Variants in MTM1 observed in about 807,000 individuals in gnomAD.
MTM1 encodes the protein myotubularin 1, also known as myotubularin.
A neutral mutation model predicts 52.1 loss-of-function variants in MTM1; 9 were observed. The observed-to-expected ratio is 0.17, with a 90% confidence interval of 0.10 to 0.30. MTM1 has a LOEUF of 0.30. Ranked by LOEUF, MTM1 falls within the 10% of genes least tolerant of loss-of-function variation. The pLI is 1.00. For missense variants in MTM1, 277 were observed against 470.7 expected (o/e 0.59, Z 3.81); for synonymous variants, 136 against 163.8 (o/e 0.83, Z 1.29).
intron 10 of MTM1, among the ~76,000 whole-genome samples, chrX:150,656,777 C>T (rs185033930): frequency 2.5e-4 from 28 of 111,239 alleles, no homozygotes; most frequent in African/African-American, 8.8e-4. Flanking sequence ...AACAAATTTA[C>T]AAGAAAAAAA....
intron 14 of MTM1, among the ~76,000 whole-genome samples, chrX:150,664,319 G>T (rs1557414843): frequency 8.0e-5 from 9 of 112,775 alleles, no homozygotes; most frequent in Non-Finnish European, 3.7e-5. Context: ...TGCAGTGTGG[G>T]TGGTCGACTA....
In MTM1 at chrX:150,619,155, C is replaced by T; in HGVS notation, c.444+16C>T. On this transcript the variant is annotated intron_variant, in intron 6 of 14. Coordinates refer to ENST00000370396, the MANE Select transcript of MTM1 (RefSeq NM_000252.3). ...TCACAGTCTGGTAAATTCCAGTGCTCTCCTCAGCGTGGGAAGGTTCTCAGT... is the reference window on the plus strand; with the variant it reads ...TCACAGTCTGGTAAATTCCAGTGCTTTCCTCAGCGTGGGAAGGTTCTCAGT... 8.7e-7 allele frequency: 1 copy of T among 1,144,815 alleles called. No individual in the cohort carries two copies. The allele number at this position is 1,144,815 out of a possible 1,213,427, so 94.3% of individuals were successfully genotyped here.
At chrX:150,645,241 G>A (rs1216922810) in intron 8 of MTM1, among the ~76,000 whole-genome samples, 2 of 111,661 alleles carry the variant, frequency 1.8e-5, no homozygotes, top group African/African-American at 3.3e-5. Context: ...TTCTAGAATT[G>A]AGACTGTTGG....
intron 1 of MTM1, among the ~76,000 whole-genome samples, chrX:150,569,228 GGAA>G (rs782051244): frequency 3.6e-4 from 41 of 113,540 alleles, no homozygotes; most frequent in African/African-American, 1.3e-3. Context: ...AACAGTTGAG[GGAA>G]GATCTTAGAG....
chrX:150,613,020 C>T (rs1230754467), intron 4 of MTM1, among the ~76,000 whole-genome samples: 6 of 106,962 alleles, frequency 5.6e-5, no homozygotes, highest in African/African-American at 2.1e-4. Context: ...GTGGTGTGTG[C>T]CTGTGGTCTC....
At chrX:150,594,950 A>C (rs1270136185) in intron 2 of MTM1, among the ~76,000 whole-genome samples, 2 of 111,468 alleles carry the variant, frequency 1.8e-5, no homozygotes, top group Non-Finnish European at 3.8e-5. Flanking sequence ...TTCCTGGCTG[A>C]GAACAGTTTG....
At chrX:150,584,422 A>G (rs1367965046) in intron 1 of MTM1, among the ~76,000 whole-genome samples, 1 of 111,378 alleles carries the variant, frequency 9.0e-6, no homozygotes, top group Non-Finnish European at 1.9e-5. Context: ...TTTTAAAGAT[A>G]TGCAAGGGAA....
chrX:150,583,542 AT>A lies in MTM1; in HGVS notation c.-10-9061del, dbSNP rs1569565334. ...TATATATTATATATAAATTATATATATTATACATAATTTATATATAATATAT... is the reference window on the plus strand; with the variant it reads ...TATATATTATATATAAATTATATATATATACATAATTTATATATAATATAT... On this transcript the variant is annotated intron_variant, in intron 1 of 14. Coordinates refer to ENST00000370396, the MANE Select transcript of MTM1 (RefSeq NM_000252.3). Among the ~76,000 whole-genome samples, 173 of 29,994 alleles carry A rather than the reference AT, an allele frequency of 5.8e-3. 3 individuals are homozygous for A. The highest frequency in any genetic ancestry group is 0.01 in the African/African-American group (65 of 6,210). The allele number at this position is 29,994 out of a possible 115,157, so 26.0% of individuals were successfully genotyped here.
At position 150,660,255 on chromosome X, in the gene MTM1, G is replaced by A. The variant is rs1603206599; in HGVS notation, c.1354-116G>A. 4 of 509,904 alleles carry A rather than the reference G, an allele frequency of 7.8e-6. No individual in the cohort carries two copies. The East Asian group carries it at 1.5e-4, about 19-fold the overall frequency. 42.0% of individuals were successfully genotyped at this position (509,904 alleles called of 1,213,427 possible). On this transcript the variant is annotated intron_variant, in intron 12 of 14. Coordinates refer to ENST00000370396, the MANE Select transcript of MTM1 (RefSeq NM_000252.3). Reference sequence around the variant, plus strand: ...GTGTGTGCAGATTACAGCCTCTGCTGTCCTTCCTAGAGCCCTACAATGTGG... The same window carrying A: ...GTGTGTGCAGATTACAGCCTCTGCTATCCTTCCTAGAGCCCTACAATGTGG...
chrX:150,574,925 A>C (rs1408600897), intron 1 of MTM1, among the ~76,000 whole-genome samples: 1 of 112,088 alleles, frequency 8.9e-6, no homozygotes, highest in East Asian at 2.8e-4. Flanking sequence ...AACTGTTAAG[A>C]TCCCCACTGA....
At chrX:150,629,596 C>T (rs1370590377) in intron 6 of MTM1, among the ~76,000 whole-genome samples, 3 of 112,385 alleles carry the variant, frequency 2.7e-5, no homozygotes, top group African/African-American at 9.7e-5. Context: ...AGTGAATATA[C>T]TAATGTAAAC....
At chrX:150,605,530 A>G (rs1164329957) in intron 4 of MTM1, among the ~76,000 whole-genome samples, 2 of 112,661 alleles carry the variant, frequency 1.8e-5, no homozygotes, top group African/African-American at 3.2e-5. Context: ...AGATTCTTGA[A>G]TCCTTTTCAA....
At chrX:150,652,658 TACACACACACACAC>T (rs377592464) in intron 10 of MTM1, among the ~76,000 whole-genome samples, 8 of 82,462 alleles carry the variant, frequency 9.7e-5, no homozygotes, top group African/African-American at 2.5e-4. Context: ...TATATATATA[TACACACACACACAC>T]ACACACACAC....
intron 5 of MTM1, among the ~76,000 whole-genome samples, chrX:150,618,593 G>T (rs1337894969): frequency 9.0e-6 from 1 of 111,477 alleles, no homozygotes; most frequent in East Asian, 2.8e-4. Context: ...GGTGGAGGTT[G>T]CAGTGAGCCG....
chrX:150,610,615 A>G (rs1299640994), intron 4 of MTM1, among the ~76,000 whole-genome samples: 1 of 111,972 alleles, frequency 8.9e-6, no homozygotes, highest in Non-Finnish European at 1.9e-5. Context: ...CTATTCCTGG[A>G]TCTTGCAGTT....
intron 1 of MTM1, among the ~76,000 whole-genome samples, chrX:150,583,929 A>ATTAT (rs2038729463): frequency 3.9e-5 from 2 of 50,971 alleles, no homozygotes; most frequent in South Asian, 2.4e-3. Flanking sequence ...AATATATATT[A>ATTAT]AATTAAAATA....
chrX:150,573,274 G>C (rs1337808873), intron 1 of MTM1, among the ~76,000 whole-genome samples: 3 of 112,559 alleles, frequency 2.7e-5, no homozygotes, highest in Non-Finnish European at 5.6e-5. Context: ...AAAGTTCTTT[G>C]AATCAGTCAT....
chrX:150,631,530 G>A (rs1249357435), intron 6 of MTM1, among the ~76,000 whole-genome samples: 3 of 109,544 alleles, frequency 2.7e-5, no homozygotes, highest in Non-Finnish European at 5.7e-5. Context: ...GGGTGTGGTG[G>A]CACATGCCTA....
intron 13 of MTM1, among the ~76,000 whole-genome samples, chrX:150,662,788 T>A (rs2040244496): frequency 9.0e-6 from 1 of 111,031 alleles, no homozygotes; most frequent in Non-Finnish European, 1.9e-5. Flanking sequence ...TTTTTTTTTT[T>A]TCTTCCTCTC....
Sources: allele counts gnomAD v4.1 joint callset (sites outside exome capture counted in the v4.1 genomes callset), GRCh38; gene constraint gnomAD v4.1.1; transcripts MANE v1.5; gene names NCBI Gene and HGNC (gene_info 2026-07-23, HGNC 2026-07-21).